WDPCP: variants seen among roughly 807,000 people sequenced by gnomAD.
WDPCP encodes the protein WD repeat containing planar cell polarity effector.
In WDPCP, 71 loss-of-function variants were observed where a neutral mutation model predicts 93.1. The observed-to-expected ratio is 0.76, with a 90% confidence interval of 0.63 to 0.93. WDPCP has a LOEUF of 0.93. Among genes scored for constraint, WDPCP ranks in the 40% least tolerant of loss-of-function variants. The pLI is 0.00. For synonymous variants in WDPCP, 315 were observed against 315.0 expected, an observed-to-expected ratio of 1.00 and a Z score of 0.00; for missense variants, 844 against 887.4, an observed-to-expected ratio of 0.95 and a Z score of 0.62.
At chr2:63,439,538 A>C (rs1017215196) in intron 7 of WDPCP, among the ~76,000 whole-genome samples, 2 of 152,162 alleles carry the variant, frequency 1.3e-5, no homozygotes, top group Non-Finnish European at 2.9e-5. Flanking sequence ...GTAAAAAACA[A>C]CTCAGAATAT....
chr2:63,669,131 C>G (rs1710317249), intron 2 of WDPCP, among the ~76,000 whole-genome samples: 1 of 152,130 alleles, frequency 6.6e-6, no homozygotes, highest in African/African-American at 2.4e-5. Flanking sequence ...GTCCCAAGAT[C>G]CATACTCAGG....
upstream of WDPCP, chr2:63,589,462 T>C: frequency 1.4e-6 from 2 of 1,408,598 alleles, no homozygotes; most frequent in Non-Finnish European, 2.0e-6. Flanking sequence ...ACGGCTTTTG[T>C]CACAGGGACC....
rs557535481 is a variant in WDPCP at position 63,421,007 on chromosome 2, C to T, written c.825+12738G>A. Among the ~76,000 whole-genome samples the T allele has an allele frequency of 2.0e-5, 3 of 152,252 alleles. No homozygotes were observed. In the South Asian group the frequency reaches 6.2e-4, roughly 32 times the overall value. On this transcript the variant is annotated intron_variant, in intron 9 of 17. Coordinates refer to ENST00000272321, the MANE Select transcript of WDPCP (RefSeq NM_015910.7). Reference sequence around the variant, plus strand: ...AGGACACTCACCTTCAATTATATTACCTATTGCTAAACTGCTCTCCATTAA... The same window carrying T: ...AGGACACTCACCTTCAATTATATTATCTATTGCTAAACTGCTCTCCATTAA...
chr2:63,760,926 G>A (rs1489863646), intron 2 of WDPCP, among the ~76,000 whole-genome samples: 1 of 152,102 alleles, frequency 6.6e-6, no homozygotes, highest in Non-Finnish European at 1.5e-5. Context: ...TCCACTCAGT[G>A]GTACATCCAA....
chr2:63,198,022 C>G (rs1675590537), intron 14 of WDPCP, among the ~76,000 whole-genome samples: 1 of 152,130 alleles, frequency 6.6e-6, no homozygotes. Context: ...AGGGTTCTCC[C>G]ATTTACAGGT....
chr2:63,451,298 C>T (rs1422830965), intron 6 of WDPCP, among the ~76,000 whole-genome samples: 2 of 151,630 alleles, frequency 1.3e-5, no homozygotes, highest in Non-Finnish European at 2.9e-5. Flanking sequence ...CCCAGTCAGA[C>T]AAAAATAAAG....
chr2:63,697,393 T>C (rs1323860145), intron 2 of WDPCP, among the ~76,000 whole-genome samples: 1 of 152,206 alleles, frequency 6.6e-6, no homozygotes, highest in Non-Finnish European at 1.5e-5. Flanking sequence ...GTCCACTCTA[T>C]GAACTGTTGC....
intron 13 of WDPCP, among the ~76,000 whole-genome samples, chr2:63,278,805 G>A (rs991792500): frequency 2.0e-5 from 3 of 152,154 alleles, no homozygotes; most frequent in Non-Finnish European, 4.4e-5. Flanking sequence ...CAGCCTGGGC[G>A]ACAGATACTA....
intron 12 of WDPCP, among the ~76,000 whole-genome samples, chr2:63,351,106 C>A (rs556888819): frequency 5.5e-4 from 83 of 152,094 alleles, no homozygotes; most frequent in African/African-American, 1.9e-3. Context: ...CTCGGCCTCT[C>A]AAGTAGCTGG....
At chr2:63,777,152 A>G (rs1670315888) in intron 2 of WDPCP, among the ~76,000 whole-genome samples, 2 of 152,232 alleles carry the variant, frequency 1.3e-5, no homozygotes, top group South Asian at 4.1e-4. Context: ...TACAATATAT[A>G]CATGTATTGA....
intron 17 of WDPCP, among the ~76,000 whole-genome samples, chr2:63,127,149 G>A (rs1194969507): frequency 7.2e-6 from 1 of 138,282 alleles, no homozygotes; most frequent in East Asian, 2.1e-4. Flanking sequence ...TTGAGATGGA[G>A]TCTCGCTCTG....
At chr2:63,450,537 C>G (rs569549869) in intron 6 of WDPCP, among the ~76,000 whole-genome samples, 1 of 152,296 alleles carries the variant, frequency 6.6e-6, no homozygotes, top group South Asian at 2.1e-4. Context: ...GGTCCAGTAA[C>G]TGACCTGCCT....
chr2:63,688,867 G>A (rs1351133410), intron 2 of WDPCP, among the ~76,000 whole-genome samples: 1 of 152,154 alleles, frequency 6.6e-6, no homozygotes, highest in Non-Finnish European at 1.5e-5. Flanking sequence ...AGGTCATGAG[G>A]TTTCTGTCCT....
intron 15 of WDPCP, chr2:63,168,540 A>G (rs999180360): frequency 2.4e-4 from 37 of 151,644 alleles, no homozygotes; most frequent in African/African-American, 6.1e-4. Context: ...CTAGGTTTCA[A>G]CTCTTTTACT....
intron 14 of WDPCP, among the ~76,000 whole-genome samples, chr2:63,201,154 G>A (rs1464580756): frequency 1.3e-5 from 2 of 152,038 alleles, no homozygotes; most frequent in East Asian, 3.9e-4. Context: ...AAAAGTGTGT[G>A]GCACCTTCAC....
chr2:63,543,219 TGA>T (rs1227495716), intron 1 of WDPCP, among the ~76,000 whole-genome samples: 2 of 152,118 alleles, frequency 1.3e-5, no homozygotes, highest in Admixed American at 6.6e-5. Context: ...ACTCTGCATC[TGA>T]GAGAGCATTA....
intron 1 of WDPCP, among the ~76,000 whole-genome samples, chr2:63,524,263 T>C (rs1263281827): frequency 6.7e-6 from 1 of 150,070 alleles, no homozygotes; most frequent in Admixed American, 6.7e-5. Flanking sequence ...AAAGCTATTC[T>C]AAAATTCATA....
At chr2:63,425,128 T>C (rs192032041) in intron 9 of WDPCP, among the ~76,000 whole-genome samples, 119 of 152,340 alleles carry the variant, frequency 7.8e-4, no homozygotes, top group Middle Eastern at 6.8e-3. Context: ...GTGCAGACAC[T>C]TGGCCTTCTG....
chr2:63,476,996 G>A (rs1700009113), intron 6 of WDPCP, among the ~76,000 whole-genome samples: 1 of 152,024 alleles, frequency 6.6e-6, no homozygotes, highest in Non-Finnish European at 1.5e-5. Context: ...GAATTGTTAT[G>A]GATGGAAACC....
Sources: allele counts gnomAD v4.1 joint callset (sites outside exome capture counted in the v4.1 genomes callset), GRCh38; gene constraint gnomAD v4.1.1; transcripts MANE v1.5; gene names NCBI Gene and HGNC (gene_info 2026-07-23, HGNC 2026-07-21).